The following EML6 variants were observed in gnomAD, a reference collection of about 807,000 sequenced individuals.
The protein encoded by EML6 is EMAP like 6.
Under a neutral mutation model 240.1 loss-of-function variants are expected in EML6, and 154 were observed. The observed-to-expected ratio is 0.64, with a 90% CI of 0.56 to 0.73. The LOEUF (loss-of-function observed/expected upper bound fraction) is 0.73, where lower values mean the gene tolerates loss of function less well. EML6 is among the 30% of genes least tolerant of loss of function. The pLI, the probability that EML6 is intolerant of heterozygous loss-of-function variation, is 0.00. For synonymous variants in EML6, 1,148 were observed against 899.0 expected (o/e 1.28, Z -4.95); for missense variants, 2,964 against 2,474.6 (o/e 1.20, Z -4.20).
intron 7 of EML6, among the ~76,000 whole-genome samples, chr2:54,842,680 G>A (rs1194328871): frequency 6.6e-6 from 1 of 152,136 alleles, no homozygotes; most frequent in Non-Finnish European, 1.5e-5. Flanking sequence ...TTCTAATTCG[G>A]ATTCAAAAAC....
chr2:54,890,441 C>G (rs2104087753), intron 17 of EML6, among the ~76,000 whole-genome samples: 1 of 152,286 alleles, frequency 6.6e-6, no homozygotes, highest in South Asian at 2.1e-4. Flanking sequence ...TACAATGGAA[C>G]TTTGCACTTA....
chr2:54,926,002 G>A (rs1674523017), intron 26 of EML6, among the ~76,000 whole-genome samples: 1 of 152,200 alleles, frequency 6.6e-6, no homozygotes, highest in Non-Finnish European at 1.5e-5. Flanking sequence ...TATAGACAGG[G>A]AAACTGAAAT....
At chr2:54,962,875 C>T (rs1233539829) in intron 36 of EML6, among the ~76,000 whole-genome samples, 164 bp downstream of exon 36, 1 of 152,152 alleles carries the variant, frequency 6.6e-6, no homozygotes, top group African/African-American at 2.4e-5. Flanking sequence ...ACTCACCACA[C>T]CCCGTCTAAA....
intron 25 of EML6, among the ~76,000 whole-genome samples, chr2:54,914,596 T>C (rs567796402): frequency 7.9e-5 from 12 of 152,266 alleles, no homozygotes; most frequent in African/African-American, 2.9e-4. Context: ...TGGTGCACAT[T>C]TGTTACTCCA....
intron 40 of EML6, 34 bp downstream of exon 40, chr2:54,968,315 T>A (rs1573233722): frequency 6.5e-7 from 1 of 1,549,472 alleles, no homozygotes; most frequent in East Asian, 2.4e-5. Context: ...CCCTGCAGGT[T>A]CTCTGTTTGG....
intron 2 of EML6, among the ~76,000 whole-genome samples, chr2:54,755,199 G>A (rs1362908276): frequency 6.6e-6 from 1 of 152,194 alleles, no homozygotes; most frequent in Non-Finnish European, 1.5e-5. Flanking sequence ...GCCCTAATAA[G>A]TCTGTTTCTG....
chr2:54,862,887 A>G (rs915035496), intron 12 of EML6, among the ~76,000 whole-genome samples: 12 of 152,234 alleles, frequency 7.9e-5, no homozygotes, highest in African/African-American at 2.7e-4. Flanking sequence ...GAGAGGATAC[A>G]TTTCAGCTTC....
At chr2:54,758,470 C>A (rs572408814) in intron 2 of EML6, among the ~76,000 whole-genome samples, 4 of 152,182 alleles carry the variant, frequency 2.6e-5, no homozygotes, top group Admixed American at 2.6e-4. Flanking sequence ...ATTTTCTCAT[C>A]TTTGCTTCAC....
intron 26 of EML6, among the ~76,000 whole-genome samples, chr2:54,919,164 G>C (rs1674086410): frequency 6.6e-6 from 1 of 151,794 alleles, no homozygotes; most frequent in Non-Finnish European, 1.5e-5. Context: ...CTCTTTGACA[G>C]AGGAAATGAG....
At chr2:54,855,458 G>GCCCCCC (rs11297060) in intron 11 of EML6, among the ~76,000 whole-genome samples, 13 of 124,100 alleles carry the variant, frequency 1.0e-4, no homozygotes, top group African/African-American at 1.2e-4. Flanking sequence ...CTTCTACCAT[G>GCCCCCC]CCCCCCCCCC....
intron 10 of EML6, among the ~76,000 whole-genome samples, chr2:54,851,848 T>C (rs1057131161): frequency 1.3e-5 from 2 of 152,340 alleles, no homozygotes; most frequent in Admixed American, 1.3e-4. Flanking sequence ...TGAATGAAAA[T>C]GAACTGGAGG....
At position 54,968,682 on chromosome 2, in the gene EML6, A is replaced by G. The variant is rs999247844; in HGVS notation, c.5766A>G (p.Arg1922=). The change falls in exon 41 of 42, where the codon CGA becomes CGG. Residue 1922 remains arginine (R), a synonymous_variant. Coordinates refer to ENST00000356458, the MANE Select transcript of EML6 (RefSeq NM_001039753.4). ...TTTGCTCACAGGCCAAACATAAGCG[A>G]TACTTCGGTCACTCGGCTCACGTGA... ...PCTEKFAKHK[R]YFGHSAHVTN... 4 of 1,550,666 alleles carry G rather than the reference A, an allele frequency of 2.6e-6. No homozygotes were observed. Among genetic ancestry groups the G allele is most frequent in the Non-Finnish European group, 3.5e-6 (4 of 1,146,064 alleles).
chr2:54,871,567 G>C lies in EML6; in HGVS notation c.2306G>C (p.Gly769Ala). ...CTAAAATGTTTGTCGCTGTTGAAAG[G>C]ACAACATCAGAGAGGAGTGTGTGCA... ...QTLKCLSLLK[G>A]QHQRGVCALD... The change falls in exon 16 of 42, where the codon GGA becomes GCA. Residue 769 changes from glycine (G) to alanine (A), a missense_variant. Gly to Ala is a moderately conservative substitution (Grantham distance 60). Coordinates refer to ENST00000356458, the MANE Select transcript of EML6 (RefSeq NM_001039753.4). 6.4e-7 allele frequency: 1 copy of C among 1,551,728 alleles called. No homozygotes were observed. The highest frequency in any genetic ancestry group is 8.7e-7 in the Non-Finnish European group (1 of 1,146,940).
intron 26 of EML6, among the ~76,000 whole-genome samples, chr2:54,927,041 G>A (rs1316451017): frequency 6.6e-6 from 1 of 152,200 alleles, no homozygotes; most frequent in South Asian, 2.1e-4. Flanking sequence ...CAGCTGCTGT[G>A]ACTGTCCTCT....
chr2:54,944,799 A>T (rs1156831144), intron 28 of EML6, among the ~76,000 whole-genome samples: 1 of 152,056 alleles, frequency 6.6e-6, no homozygotes, highest in East Asian at 1.9e-4. Context: ...AGACATAGGA[A>T]TACACTCAAC....
intron 3 of EML6, among the ~76,000 whole-genome samples, chr2:54,815,947 C>G (rs570072424): frequency 6.6e-6 from 1 of 152,146 alleles, no homozygotes; most frequent in Non-Finnish European, 1.5e-5. Flanking sequence ...ATACAACAAT[C>G]CAATAATGCA....
chr2:54,773,863 A>C (rs1668494253), intron 2 of EML6, among the ~76,000 whole-genome samples: 1 of 152,248 alleles, frequency 6.6e-6, no homozygotes, highest in Non-Finnish European at 1.5e-5. Context: ...GTGTGGCATG[A>C]GAGCATAAGC....
intron 2 of EML6, among the ~76,000 whole-genome samples, chr2:54,793,513 G>T (rs897599530): frequency 6.6e-6 from 1 of 150,824 alleles, no homozygotes; most frequent in African/African-American, 2.4e-5. Context: ...GAAGGCAAAT[G>T]GTTACTATGA....
intron 16 of EML6, 76 bp downstream of exon 16, chr2:54,871,681 G>A: frequency 9.8e-7 from 1 of 1,017,732 alleles, no homozygotes; most frequent in Non-Finnish European, 1.5e-6. Flanking sequence ...CCCCGCGCAT[G>A]CGCGCACGCG....
Sources: allele counts gnomAD v4.1 joint callset (sites outside exome capture counted in the v4.1 genomes callset), GRCh38; gene constraint gnomAD v4.1.1; transcripts MANE v1.5; gene names NCBI Gene and HGNC (gene_info 2026-07-23, HGNC 2026-07-21).